The following PRELID2 variants were observed in gnomAD, a reference collection of about 807,000 sequenced individuals.
PRELID2 encodes the protein PRELI domain-containing protein 2.
PRELID2 carries 25 observed loss-of-function variants against 28.4 expected under a neutral mutation model. The ratio of observed to expected loss-of-function variants is 0.88; its 90% confidence interval spans 0.64 to 1.23. The LOEUF is 1.23. Among genes scored for constraint, PRELID2 ranks in the 50% most tolerant of loss-of-function variants. PRELID2 has a pLI of 0.00. For missense variants in PRELID2, 201 were observed against 214.4 expected, an observed-to-expected ratio of 0.94 and a Z score of 0.39; for synonymous variants, 76 against 71.6, an observed-to-expected ratio of 1.06 and a Z score of -0.31.
the PRELID2 span, among the ~76,000 whole-genome samples, chr5:145,234,966 C>T: frequency 1.9e-3 from 284 of 152,022 alleles, no homozygotes; most frequent in African/African-American, 6.5e-3. Context: ...GTGGATTTTG[C>T]AAAATTAAAA....
At chr5:145,412,697 C>A in the PRELID2 span, among the ~76,000 whole-genome samples, 2 of 152,158 alleles carry the variant, frequency 1.3e-5, no homozygotes, top group Non-Finnish European at 2.9e-5. Flanking sequence ...TATAGCAGCT[C>A]CCCACTCCTG....
the PRELID2 span, among the ~76,000 whole-genome samples, chr5:145,315,319 C>T: frequency 1.3e-5 from 2 of 152,066 alleles, no homozygotes; most frequent in Admixed American, 6.6e-5. Context: ...CTGCCCGCCT[C>T]GGCCTCCCAA....
At chr5:145,281,023 C>A in the PRELID2 span, among the ~76,000 whole-genome samples, 4 of 152,100 alleles carry the variant, frequency 2.6e-5, no homozygotes, top group African/African-American at 9.7e-5. Flanking sequence ...TCAGAATTCT[C>A]ACTCTATCTC....
chr5:145,469,330 G>A (rs1036652463), downstream of PRELID2, among the ~76,000 whole-genome samples: 4 of 152,034 alleles, frequency 2.6e-5, no homozygotes, highest in African/African-American at 9.7e-5. Context: ...CCATGTCTTT[G>A]CAGGTGCAAC....
intron 4 of PRELID2, among the ~76,000 whole-genome samples, chr5:145,804,701 T>C (rs554661578): frequency 5.3e-4 from 81 of 152,294 alleles, no homozygotes; most frequent in African/African-American, 1.6e-3. Flanking sequence ...AACTTACTTA[T>C]GGTCATATAA....
chr5:145,831,378 T>C (rs894535019), intron 1 of PRELID2, among the ~76,000 whole-genome samples: 3 of 152,230 alleles, frequency 2.0e-5, no homozygotes, highest in African/African-American at 4.8e-5. Flanking sequence ...CCCCTAGCCC[T>C]ATGAACTGTG....
chr5:145,450,698 G>C, the PRELID2 span: 1 of 152,192 alleles, frequency 6.6e-6, no homozygotes, highest in Non-Finnish European at 1.5e-5. Flanking sequence ...ATGTGTCTAA[G>C]ATGCTAGAAA....
chr5:145,670,806 A>G (rs926971348), intron 1 of PRELID2, among the ~76,000 whole-genome samples: 1 of 152,174 alleles, frequency 6.6e-6, no homozygotes, highest in Non-Finnish European at 1.5e-5. Flanking sequence ...GCCTGATCTC[A>G]GTAGCTGGAT....
chr5:145,398,495 C>T, the PRELID2 span, among the ~76,000 whole-genome samples: 98 of 152,220 alleles, frequency 6.4e-4, no homozygotes, highest in African/African-American at 2.2e-3. Flanking sequence ...TCCCTAAACC[C>T]TCTGCATACC....
chr5:145,578,724 G>A (rs572545871), intron 1 of PRELID2, among the ~76,000 whole-genome samples: 2 of 152,064 alleles, frequency 1.3e-5, no homozygotes, highest in African/African-American at 4.8e-5. Flanking sequence ...TGCAGACTGG[G>A]AATTAGTCTT....
chr5:145,312,672 C>T, the PRELID2 span, among the ~76,000 whole-genome samples: 1 of 152,116 alleles, frequency 6.6e-6, no homozygotes, highest in Non-Finnish European at 1.5e-5. Flanking sequence ...ATCTATGTGC[C>T]ACAAATGACT....
the PRELID2 span, among the ~76,000 whole-genome samples, chr5:145,377,045 A>G: frequency 6.6e-6 from 1 of 152,016 alleles, no homozygotes; most frequent in South Asian, 2.1e-4. Flanking sequence ...TTCCCTCTTA[A>G]CACTCTGCCT....
chr5:145,379,193 A>T, the PRELID2 span, among the ~76,000 whole-genome samples: 1 of 152,204 alleles, frequency 6.6e-6, no homozygotes, highest in African/African-American at 2.4e-5. Context: ...AATCCACTTC[A>T]CTGGGGAAGG....
chr5:145,585,073 G>T (rs1753141110), intron 1 of PRELID2, among the ~76,000 whole-genome samples: 1 of 152,046 alleles, frequency 6.6e-6, no homozygotes, highest in African/African-American at 2.4e-5. Context: ...AAGAAAATGT[G>T]GTATATATAC....
At chr5:145,410,626 G>A in the PRELID2 span, among the ~76,000 whole-genome samples, 1 of 152,146 alleles carries the variant, frequency 6.6e-6, no homozygotes, top group Middle Eastern at 3.4e-3. Flanking sequence ...GATCTCATGA[G>A]AACTCACTCA....
the PRELID2 span, among the ~76,000 whole-genome samples, chr5:145,336,105 C>T: frequency 6.6e-6 from 1 of 152,314 alleles, no homozygotes; most frequent in East Asian, 1.9e-4. Flanking sequence ...CCTTTGCCCA[C>T]TTTCTGATGG....
the PRELID2 span, among the ~76,000 whole-genome samples, chr5:145,324,415 C>A: frequency 6.6e-6 from 1 of 152,142 alleles, no homozygotes; most frequent in African/African-American, 2.4e-5. Flanking sequence ...AGTTGTAAAT[C>A]ACATAAACTT....
intron 1 of PRELID2, among the ~76,000 whole-genome samples, chr5:145,510,237 C>T (rs1347551760): frequency 6.6e-6 from 1 of 152,132 alleles, no homozygotes; most frequent in Non-Finnish European, 1.5e-5. Context: ...ATGAACTTGA[C>T]CTATCATGTT....
At chr5:145,269,014 A>G in the PRELID2 span, among the ~76,000 whole-genome samples, 8 of 152,070 alleles carry the variant, frequency 5.3e-5, no homozygotes, top group South Asian at 2.1e-4. Flanking sequence ...CTAAAACAGC[A>G]TTGATAGAAA....
Sources: allele counts gnomAD v4.1 joint callset (sites outside exome capture counted in the v4.1 genomes callset), GRCh38; gene constraint gnomAD v4.1.1; transcripts MANE v1.5; gene names NCBI Gene and HGNC (gene_info 2026-07-23, HGNC 2026-07-21).